FGF12: variants seen among roughly 807,000 people sequenced by gnomAD.
FGF12 encodes fibroblast growth factor 12B.
Under a neutral mutation model 23.6 loss-of-function variants are expected in FGF12, and 14 were observed. That is an observed-to-expected ratio of 0.59 (90% CI 0.39 to 0.93). The LOEUF is 0.93. Ranked by LOEUF, FGF12 falls within the 40% of genes least tolerant of loss-of-function variation. The pLI is 0.00. For missense variants in FGF12, 175 were observed against 217.8 expected, an observed-to-expected ratio of 0.80 and a Z score of 1.24; for synonymous variants, 62 against 77.3, an observed-to-expected ratio of 0.80 and a Z score of 1.04.
intron 2 of FGF12, among the ~76,000 whole-genome samples, chr3:192,405,179 C>A (rs1720911515): frequency 6.6e-6 from 1 of 150,994 alleles, no homozygotes. Context: ...TGCACCCTGG[C>A]CCTGAAACTG....
intron 2 of FGF12, among the ~76,000 whole-genome samples, chr3:192,513,154 G>C (rs1295424026): frequency 6.6e-6 from 1 of 151,786 alleles, no homozygotes; most frequent in Non-Finnish European, 1.5e-5. Context: ...CCCAAGTTAT[G>C]ATCTATTCAC....
At chr3:192,645,857 C>T (rs974045065) in intron 2 of FGF12, among the ~76,000 whole-genome samples, 5 of 148,406 alleles carry the variant, frequency 3.4e-5, no homozygotes, top group Non-Finnish European at 7.4e-5. Context: ...ACAAGCAAAT[C>T]CACGATAACA....
chr3:192,673,551 C>G (rs1470746492), intron 2 of FGF12, among the ~76,000 whole-genome samples: 2 of 150,812 alleles, frequency 1.3e-5, no homozygotes, highest in Non-Finnish European at 3.0e-5. Context: ...TCCTGCCCCC[C>G]TGACAGGCTC....
At chr3:192,417,629 A>G (rs1464189358) in intron 2 of FGF12, among the ~76,000 whole-genome samples, 5 of 152,168 alleles carry the variant, frequency 3.3e-5, no homozygotes, top group African/African-American at 9.6e-5. Context: ...CTCTGATAGC[A>G]TCAGTTAAGT....
At chr3:192,456,143 C>T (rs1722675685) in intron 2 of FGF12, among the ~76,000 whole-genome samples, 1 of 152,184 alleles carries the variant, frequency 6.6e-6, no homozygotes, top group Non-Finnish European at 1.5e-5. Context: ...ATGTCTATTA[C>T]ATTTTCACAA....
At chr3:192,294,551 G>T (rs1216896495) in intron 4 of FGF12, among the ~76,000 whole-genome samples, 1 of 152,102 alleles carries the variant, frequency 6.6e-6, no homozygotes, top group Non-Finnish European at 1.5e-5. Context: ...AAACAACCTA[G>T]GTTGGAAGAA....
chr3:192,562,618 T>C (rs1247084952), intron 2 of FGF12, among the ~76,000 whole-genome samples: 1 of 152,216 alleles, frequency 6.6e-6, no homozygotes, highest in African/African-American at 2.4e-5. Context: ...TGAATTTATA[T>C]TATCTTCAAT....
chr3:192,569,944 A>G (rs1712516185), intron 2 of FGF12, among the ~76,000 whole-genome samples: 1 of 152,230 alleles, frequency 6.6e-6, no homozygotes, highest in South Asian at 2.1e-4. Context: ...TAGCGCTGCT[A>G]TGACAATTTT....
In FGF12 at chr3:192,443,301, T is replaced by C. The variant is rs760056718; in HGVS notation, c.14-82763A>G. 7.0e-4 allele frequency among the ~76,000 whole-genome samples: 107 copies of C among 152,336 alleles called. 2 individuals are homozygous for C. The highest frequency in any genetic ancestry group is 5.6e-3 in the Admixed American group (86 of 15,312). On this transcript the variant is annotated intron_variant, in intron 2 of 5. Coordinates refer to ENST00000445105, the MANE Select transcript of FGF12 (RefSeq NM_004113.6). ...GTGAGGTTTTCACTGCTTTGTACAATTGTGTCACTGTAGCTCCTATATCCA... is the reference window on the plus strand; with the variant it reads ...GTGAGGTTTTCACTGCTTTGTACAACTGTGTCACTGTAGCTCCTATATCCA...
chr3:192,468,721 T>C (rs746956949), intron 2 of FGF12, among the ~76,000 whole-genome samples: 6 of 152,124 alleles, frequency 3.9e-5, no homozygotes, highest in Non-Finnish European at 8.8e-5. Context: ...TTGTAGTTAA[T>C]ATATATCTTG....
At position 192,408,333 on chromosome 3, in the gene FGF12, G is replaced by A. The variant is rs1289674537; in HGVS notation, c.14-47795C>T. 4.2e-6 allele frequency: 6 copies of A among 1,433,174 alleles called. No individual in the cohort carries two copies. The South Asian group carries it at 4.4e-5, about 11-fold the overall frequency. 88.8% of individuals were successfully genotyped at this position (1,433,174 alleles called of 1,614,324 possible). A position where few individuals can be genotyped will look rare whatever the true frequency, so the allele number is the denominator to read the frequency against. ...GCCAGGGAAAGGGCAGTCGCGGGGAGGCAGTGCTAAAATTTGAGGAGGCTG... is the reference window on the plus strand; with the variant it reads ...GCCAGGGAAAGGGCAGTCGCGGGGAAGCAGTGCTAAAATTTGAGGAGGCTG... On this transcript the variant is annotated intron_variant, in intron 2 of 5. Coordinates refer to ENST00000445105, the MANE Select transcript of FGF12 (RefSeq NM_004113.6). The surrounding 1 kb of genome is among the most constrained non-coding windows in gnomAD (Gnocchi z 7.3).
chr3:192,569,807 T>A (rs1195605623), intron 2 of FGF12, among the ~76,000 whole-genome samples: 1 of 152,228 alleles, frequency 6.6e-6, no homozygotes, highest in Non-Finnish European at 1.5e-5. Flanking sequence ...AGTTTGGACT[T>A]TATCCTAATG....
intron 2 of FGF12, among the ~76,000 whole-genome samples, chr3:192,531,371 C>T (rs1334363799): frequency 6.6e-6 from 1 of 151,994 alleles, no homozygotes; most frequent in African/African-American, 2.4e-5. Context: ...TTTCATTTTC[C>T]CCATTTGCAA....
chr3:192,633,938 G>A (rs533554592), intron 2 of FGF12, among the ~76,000 whole-genome samples: 8 of 152,170 alleles, frequency 5.3e-5, no homozygotes, highest in South Asian at 4.2e-4. Context: ...ACTGTATATC[G>A]TTGTTGCTTC....
At chr3:192,365,976 T>TAAAAAAAAAAAAAAAAAA (rs5855421) in intron 2 of FGF12, among the ~76,000 whole-genome samples, 1 of 130,786 alleles carries the variant, frequency 7.6e-6, no homozygotes. Flanking sequence ...GCTTCAAAGG[T>TAAAAAAAAAAAAAAAAAA]AAAAAAAAAA....
At chr3:192,420,573 T>TA (rs1306566754) in intron 2 of FGF12, among the ~76,000 whole-genome samples, 1 of 152,134 alleles carries the variant, frequency 6.6e-6, no homozygotes, top group Non-Finnish European at 1.5e-5. Context: ...AGTTAATTGT[T>TA]AAAAACAGTC....
intron 2 of FGF12, among the ~76,000 whole-genome samples, chr3:192,645,767 T>TAAAA (rs55809400): frequency 1.7e-4 from 12 of 71,064 alleles, no homozygotes; most frequent in African/African-American, 5.6e-4. Flanking sequence ...ACAAAACAGG[T>TAAAA]AAAAAAAAAA....
chr3:192,592,599 G>A (rs556970543), intron 2 of FGF12, among the ~76,000 whole-genome samples: 1 of 151,864 alleles, frequency 6.6e-6, no homozygotes, highest in East Asian at 1.9e-4. Context: ...TCGCCCAGTT[G>A]TTGCTCCTCT....
At chr3:192,237,025 C>A (rs1393731785) in intron 4 of FGF12, among the ~76,000 whole-genome samples, 1 of 152,098 alleles carries the variant, frequency 6.6e-6, no homozygotes, top group Non-Finnish European at 1.5e-5. Flanking sequence ...TAAGGCAAGT[C>A]TGGTGGTAAC....
Sources: allele counts gnomAD v4.1 joint callset (sites outside exome capture counted in the v4.1 genomes callset), GRCh38; gene constraint gnomAD v4.1.1; non-coding constraint Gnocchi (gnomAD v3.1); transcripts MANE v1.5; gene names NCBI Gene and HGNC (gene_info 2026-07-23, HGNC 2026-07-21).